The following AKAP19 variants were observed in gnomAD, a reference collection of about 807,000 sequenced individuals.
AKAP19 encodes A-kinase anchoring protein 19.
chr2:190,193,197 T>A, the AKAP19 span, among the ~76,000 whole-genome samples: 8 of 152,112 alleles, frequency 5.3e-5, no homozygotes, highest in African/African-American at 1.9e-4. Flanking sequence ...AAATTTTTTT[T>A]CTGTTTCTAC....
chr2:190,058,797 A>G, the AKAP19 span, among the ~76,000 whole-genome samples: 2 of 152,024 alleles, frequency 1.3e-5, no homozygotes, highest in African/African-American at 2.4e-5. Flanking sequence ...AGCTATGCGT[A>G]CGCAAAGACA....
chr2:190,130,812 G>A, the AKAP19 span, among the ~76,000 whole-genome samples: 9 of 152,110 alleles, frequency 5.9e-5, no homozygotes, highest in African/African-American at 2.2e-4. Context: ...GCCAGAATAC[G>A]AAAATGTATA....
chr2:190,125,212 G>A, the AKAP19 span, among the ~76,000 whole-genome samples: 3 of 152,150 alleles, frequency 2.0e-5, no homozygotes, highest in Non-Finnish European at 4.4e-5. Flanking sequence ...GTTGTGCATT[G>A]TACTATGACA....
the AKAP19 span, among the ~76,000 whole-genome samples, chr2:189,938,993 G>A: frequency 1.3e-5 from 2 of 152,182 alleles, no homozygotes; most frequent in Non-Finnish European, 2.9e-5. Context: ...TGGAAAAAGT[G>A]AGGTTGAGAT....
chr2:190,060,885 A>G, the AKAP19 span, among the ~76,000 whole-genome samples: 1 of 151,984 alleles, frequency 6.6e-6, no homozygotes, highest in Non-Finnish European at 1.5e-5. Context: ...ACCTGGGGAC[A>G]AGACACACTG....
chr2:189,931,974 C>G, the AKAP19 span, among the ~76,000 whole-genome samples: 1 of 152,138 alleles, frequency 6.6e-6, no homozygotes, highest in Non-Finnish European at 1.5e-5. Context: ...AATTTCCCAA[C>G]TAATGTCCTT....
chr2:189,923,462 A>G, the AKAP19 span: 1 of 1,613,930 alleles, frequency 6.2e-7, no homozygotes, highest in Non-Finnish European at 8.5e-7. Context: ...GTATGGCAAA[A>G]TTGTGGGCTG....
the AKAP19 span, among the ~76,000 whole-genome samples, chr2:190,058,238 C>T: frequency 4.6e-5 from 7 of 151,982 alleles, no homozygotes; most frequent in African/African-American, 1.4e-4. Flanking sequence ...TTTGTTGATT[C>T]TGTCTCTGCC....
chr2:190,164,767 G>A, the AKAP19 span, among the ~76,000 whole-genome samples: 1 of 152,056 alleles, frequency 6.6e-6, no homozygotes, highest in Non-Finnish European at 1.5e-5. Flanking sequence ...ACAAAATATG[G>A]AAAAACTTTC....
chr2:190,099,753 A>G, the AKAP19 span, among the ~76,000 whole-genome samples: 1 of 152,220 alleles, frequency 6.6e-6, no homozygotes, highest in Non-Finnish European at 1.5e-5. Flanking sequence ...TAGATGCTCC[A>G]TACTTTTCTT....
the AKAP19 span, among the ~76,000 whole-genome samples, chr2:190,119,627 A>G: frequency 6.6e-6 from 1 of 152,230 alleles, no homozygotes; most frequent in Non-Finnish European, 1.5e-5. Flanking sequence ...CTAGGGTGTA[A>G]GAGCCAGGGT....
chr2:189,919,983 T>A, the AKAP19 span, among the ~76,000 whole-genome samples: 1 of 152,166 alleles, frequency 6.6e-6, no homozygotes, highest in East Asian at 1.9e-4. Flanking sequence ...TTCCAACAAA[T>A]TTCACTACAC....
At chr2:190,113,074 T>G in the AKAP19 span, among the ~76,000 whole-genome samples, 1 of 152,172 alleles carries the variant, frequency 6.6e-6, no homozygotes, top group Admixed American at 6.5e-5. Flanking sequence ...TTTTTTTTTC[T>G]AATTTACTAA....
chr2:190,126,912 A>G, the AKAP19 span, among the ~76,000 whole-genome samples: 2 of 151,828 alleles, frequency 1.3e-5, no homozygotes, highest in African/African-American at 2.4e-5. Context: ...GTACACACAC[A>G]CTCTCCTCAA....
chr2:190,038,938 T>TTCTTCTTCTTCTTCTTCTTCTTCTTCC, the AKAP19 span, among the ~76,000 whole-genome samples: 13 of 137,842 alleles, frequency 9.4e-5, no homozygotes, highest in African/African-American at 3.9e-4. Context: ...CTTCTTCTTC[T>TTCTTCTTCTTCTTCTTCTTCTTCTTCC]TCTTCTTCTT....
the AKAP19 span, among the ~76,000 whole-genome samples, chr2:190,044,718 G>C: frequency 6.6e-6 from 1 of 152,180 alleles, no homozygotes; most frequent in Non-Finnish European, 1.5e-5. Context: ...AGTATGCTTG[G>C]GGCCTAGTTG....
chr2:189,994,459 C>T, the AKAP19 span, among the ~76,000 whole-genome samples: 391 of 152,150 alleles, frequency 2.6e-3, 6 homozygotes, highest in Admixed American at 0.022. Context: ...CCTCTTAGCG[C>T]TGCTTTTGCC....
At chr2:190,113,764 C>T in the AKAP19 span, among the ~76,000 whole-genome samples, 1 of 152,146 alleles carries the variant, frequency 6.6e-6, no homozygotes, top group South Asian at 2.1e-4. Context: ...TCCTAGTTTG[C>T]CCACTATGGT....
At chr2:190,139,958 G>A in the AKAP19 span, among the ~76,000 whole-genome samples, 3 of 152,112 alleles carry the variant, frequency 2.0e-5, no homozygotes, top group Non-Finnish European at 2.9e-5. Context: ...AAAATCAAAA[G>A]CAAGTTAGTT....
Sources: allele counts gnomAD v4.1 joint callset (sites outside exome capture counted in the v4.1 genomes callset), GRCh38; gene constraint gnomAD v4.1.1; transcripts MANE v1.5; gene names NCBI Gene and HGNC (gene_info 2026-07-23, HGNC 2026-07-21).